Variants in CLVS1 observed in about 807,000 individuals in gnomAD.
CLVS1 encodes the protein clavesin-1.
Under a neutral mutation model 33.1 loss-of-function variants are expected in CLVS1, and 10 were observed. The observed-to-expected ratio is 0.30, with a 90% confidence interval of 0.19 to 0.51. The LOEUF (loss-of-function observed/expected upper bound fraction) is 0.51. CLVS1 is among the 20% of genes least tolerant of loss of function. The probability of loss-of-function intolerance (pLI) is 0.97; values close to 1 mark genes in which losing one functional copy is unlikely to be tolerated. For synonymous variants in CLVS1, 163 were observed against 166.1 expected (o/e 0.98, Z 0.14); for missense variants, 343 against 433.4 (o/e 0.79, Z 1.85).
chr8:60,965,261 A>G, the CLVS1 span: 1 of 152,218 alleles, frequency 6.6e-6, no homozygotes, highest in Non-Finnish European at 1.5e-5. Flanking sequence ...GAGTTTGTCA[A>G]TTCAGAGGTA....
chr8:61,249,426 A>C (rs201318363), intron 2 of CLVS1, among the ~76,000 whole-genome samples: 1 of 152,094 alleles, frequency 6.6e-6, no homozygotes, highest in Non-Finnish European at 1.5e-5. Flanking sequence ...AATCCTTTGG[A>C]TATATACCCA....
In CLVS1 at chr8:61,253,345, C is replaced by T. The variant is rs182139300; in HGVS notation, c.-151-46332C>T. ...GTAACCTGACCTTTCTCTCTGGCTG[C>T]CTTTAACATTTTTTCCTTCATTTCA... On this transcript the variant is annotated intron_variant, in intron 2 of 2. Transcript: ENST00000522621. Among the ~76,000 whole-genome samples the T allele has an allele frequency of 9.3e-4, 142 of 152,280 alleles. 1 individual carries two copies. The highest frequency in any genetic ancestry group is 8.4e-3 in the Admixed American group (128 of 15,288).
chr8:61,382,943 A>G (rs771954923), intron 3 of CLVS1, among the ~76,000 whole-genome samples: 2 of 152,182 alleles, frequency 1.3e-5, no homozygotes, highest in African/African-American at 2.4e-5. Flanking sequence ...GTGAAAATCA[A>G]ATAGTACATG....
intron 2 of CLVS1, among the ~76,000 whole-genome samples, chr8:61,361,960 G>T (rs1279899110): frequency 6.6e-6 from 1 of 152,168 alleles, no homozygotes; most frequent in East Asian, 1.9e-4. Flanking sequence ...GCAGAGTGAG[G>T]CTGTTGATGA....
chr8:61,500,861 T>C lies in CLVS1; in HGVS notation c.*1319T>C, dbSNP rs1804755492. 6.6e-6 allele frequency: 1 copy of C among 152,228 alleles called. No individual in the cohort carries two copies. The highest frequency in any genetic ancestry group is 1.5e-5 in the Non-Finnish European group (1 of 68,038). 9.4% of individuals were successfully genotyped at this position (152,228 alleles called of 1,614,324 possible). A position where few individuals can be genotyped will look rare whatever the true frequency, so the allele number is the denominator to read the frequency against. On this transcript the variant is annotated 3_prime_UTR_variant, in exon 6 of 6. Transcript: ENST00000325897. Reference sequence around the variant, plus strand: ...TATTTGGGAGAGTTAATTTGTTAGCTAAATAATTCAAGGGAAAGAGATTAT... The same window carrying C: ...TATTTGGGAGAGTTAATTTGTTAGCCAAATAATTCAAGGGAAAGAGATTAT...
At chr8:61,208,947 T>C (rs1004030225) in intron 2 of CLVS1, among the ~76,000 whole-genome samples, 1 of 152,144 alleles carries the variant, frequency 6.6e-6, no homozygotes, top group African/African-American at 2.4e-5. Flanking sequence ...GACACAGCTG[T>C]GGGCAGGGGT....
intron 5 of CLVS1, among the ~76,000 whole-genome samples, chr8:61,497,867 A>G (rs1324866180): frequency 6.6e-6 from 1 of 152,120 alleles, no homozygotes; most frequent in Non-Finnish European, 1.5e-5. Context: ...TTTAGACCAT[A>G]TAGGTTAACT....
At chr8:61,156,292 A>T (rs55901932) in intron 2 of CLVS1, among the ~76,000 whole-genome samples, 1 of 148,262 alleles carries the variant, frequency 6.7e-6, no homozygotes, top group South Asian at 2.2e-4. Context: ...ACCTCCCCCG[A>T]GAAGCTCTAT....
At position 61,501,035 on chromosome 8, in the gene CLVS1, G is replaced by A. The variant is rs1305087937; in HGVS notation, c.*1493G>A. 1 of 151,950 alleles carries A rather than the reference G, an allele frequency of 6.6e-6. No homozygotes were observed. Among genetic ancestry groups the A allele is most frequent in the Non-Finnish European group, 1.5e-5 (1 of 67,984 alleles). The allele number at this position is 151,950 out of a possible 1,614,324, so 9.4% of individuals were successfully genotyped here. On this transcript the variant is annotated 3_prime_UTR_variant, in exon 6 of 6. Coordinates refer to ENST00000325897, the MANE Select transcript of CLVS1 (RefSeq NM_173519.3). ...GTAATTTTTATATTATACACTTGGA[G>A]AAATAAAGTTGAAACAGAATTAAAA...
chr8:61,248,039 G>T (rs762752691), intron 2 of CLVS1, among the ~76,000 whole-genome samples: 1 of 152,114 alleles, frequency 6.6e-6, no homozygotes, highest in Non-Finnish European at 1.5e-5. Flanking sequence ...TATTTAATAG[G>T]TAGTCATTTC....
chr8:61,056,113 T>C (rs1804469710), upstream of CLVS1, among the ~76,000 whole-genome samples: 1 of 152,192 alleles, frequency 6.6e-6, no homozygotes, highest in African/African-American at 2.4e-5. Context: ...CACACCTCCC[T>C]GTAAGGGAGG....
At chr8:61,013,226 G>C in the CLVS1 span, among the ~76,000 whole-genome samples, 1 of 152,180 alleles carries the variant, frequency 6.6e-6, no homozygotes, top group Non-Finnish European at 1.5e-5. Context: ...GCCAAGACTT[G>C]CAACGTTCCT....
intron 1 of CLVS1, among the ~76,000 whole-genome samples, chr8:61,089,373 G>A (rs986645411): frequency 9.2e-5 from 14 of 152,148 alleles, no homozygotes; most frequent in African/African-American, 3.1e-4. Flanking sequence ...TCCAGAAATG[G>A]TGCTGTAGGT....
At chr8:61,445,183 G>T (rs73685039) in intron 3 of CLVS1, among the ~76,000 whole-genome samples, 1,887 of 152,204 alleles carry the variant, frequency 0.012, 43 homozygotes, top group African/African-American at 0.043. Context: ...TATTGTTGAA[G>T]TCTACATGCT....
At chr8:60,998,141 CA>C in the CLVS1 span, among the ~76,000 whole-genome samples, 2 of 152,128 alleles carry the variant, frequency 1.3e-5, no homozygotes, top group Admixed American at 6.5e-5. Context: ...GGATGTAAGA[CA>C]AAAGGAGAAA....
chr8:61,240,328 C>T lies in CLVS1; in HGVS notation c.-151-59349C>T, dbSNP rs548562520. On this transcript the variant is annotated intron_variant, in intron 2 of 2. Transcript: ENST00000522621. ...ACCATTTTCCTGTTTCTTCAACAGG[C>T]GGAGTTCATTCCTGACTTAGGGCCT... Among the ~76,000 whole-genome samples the T allele has an allele frequency of 6.6e-5, 10 of 152,250 alleles. No individual in the cohort carries two copies. The East Asian group carries it at 1.7e-3, about 26-fold the overall frequency.
the CLVS1 span, chr8:60,965,898 G>A: frequency 5.7e-5 from 9 of 156,626 alleles, no homozygotes; most frequent in Non-Finnish European, 9.9e-5. Context: ...TGCAACCTCT[G>A]CCTCCCAGGT....
chr8:61,122,569 A>AACACACACACACACACACAC (rs4033855), intron 1 of CLVS1, among the ~76,000 whole-genome samples: 5 of 144,532 alleles, frequency 3.5e-5, no homozygotes, highest in East Asian at 2.0e-4. Context: ...ATATTAAGAA[A>AACACACACACACACACACAC]ACACACACAC....
At chr8:61,009,095 C>A in the CLVS1 span, among the ~76,000 whole-genome samples, 1 of 152,048 alleles carries the variant, frequency 6.6e-6, no homozygotes. Flanking sequence ...ATTAGGGTTA[C>A]ACATACCATT....
Sources: gnomAD v4.1 joint callset for allele counts (sites outside exome capture counted in the v4.1 genomes callset) on GRCh38, gnomAD v4.1.1 for gene constraint, MANE v1.5 for transcripts, NCBI Gene and HGNC (gene_info 2026-07-23, HGNC 2026-07-21) for gene names.